Variants in RBFOX1 observed in about 807,000 individuals in gnomAD.
RBFOX1 encodes the protein RNA binding protein fox-1 homolog 1.
RBFOX1 carries 8 observed loss-of-function variants against 57.7 expected under a neutral mutation model. The ratio of observed to expected loss-of-function variants is 0.14; its 90% CI spans 0.08 to 0.25. RBFOX1 has a LOEUF of 0.25. RBFOX1 is among the 10% of genes least tolerant of loss of function. RBFOX1 has a pLI of 1.00. For missense variants in RBFOX1, 611 were observed against 548.5 expected, an observed-to-expected ratio of 1.11 and a Z score of -1.14; for synonymous variants, 326 against 222.4, an observed-to-expected ratio of 1.47 and a Z score of -4.15.
chr16:5,897,505 G>A (rs2058196897), intron 4 of RBFOX1, among the ~76,000 whole-genome samples: 1 of 152,078 alleles, frequency 6.6e-6, no homozygotes, highest in African/African-American at 2.4e-5. Flanking sequence ...TCGAAAATTG[G>A]CTTTGAATCT....
At chr16:6,315,740 A>C (rs965588083) in intron 1 of RBFOX1, among the ~76,000 whole-genome samples, 1 of 152,210 alleles carries the variant, frequency 6.6e-6, no homozygotes. Context: ...CACCATTTCA[A>C]CCACTGAATA....
At chr16:5,994,361 C>A (rs774555282) in intron 4 of RBFOX1, among the ~76,000 whole-genome samples, 1 of 152,156 alleles carries the variant, frequency 6.6e-6, no homozygotes, top group Non-Finnish European at 1.5e-5. Flanking sequence ...TGGGTTTCGC[C>A]ATATTGGCCA....
intron 1 of RBFOX1, among the ~76,000 whole-genome samples, chr16:6,253,099 C>T (rs1277099247): frequency 6.6e-6 from 1 of 152,110 alleles, no homozygotes; most frequent in Non-Finnish European, 1.5e-5. Context: ...ATATATGTAT[C>T]TCTATCTATC....
At chr16:6,124,606 A>C (rs1429451597) in intron 1 of RBFOX1, among the ~76,000 whole-genome samples, 1 of 152,024 alleles carries the variant, frequency 6.6e-6, no homozygotes, top group Non-Finnish European at 1.5e-5. Context: ...AGGTTCAAGC[A>C]ATCCTCCCAC....
chr16:7,417,372 C>CAGAA (rs1555881998), intron 4 of RBFOX1, among the ~76,000 whole-genome samples: 1 of 122,666 alleles, frequency 8.2e-6, no homozygotes, highest in Non-Finnish European at 1.6e-5. Context: ...GACTCTGTGT[C>CAGAA]AAAGAAAAAA....
At chr16:6,144,395 C>T (rs2096742108) in intron 1 of RBFOX1, among the ~76,000 whole-genome samples, 2 of 152,116 alleles carry the variant, frequency 1.3e-5, no homozygotes, top group African/African-American at 4.8e-5. Context: ...TCCTCAAGTA[C>T]CTTTTAATAG....
chr16:5,749,574 C>CT (rs2053116479), intron 3 of RBFOX1, among the ~76,000 whole-genome samples: 1 of 152,192 alleles, frequency 6.6e-6, no homozygotes, highest in Admixed American at 6.5e-5. Flanking sequence ...TCTTTTTACT[C>CT]TTTTTTCTCT....
intron 1 of RBFOX1, among the ~76,000 whole-genome samples, chr16:6,087,292 T>A (rs2152522484): frequency 6.6e-6 from 1 of 152,330 alleles, no homozygotes; most frequent in Non-Finnish European, 1.5e-5. Context: ...GTCCAGAGTT[T>A]TGTGCCTTCG....
Position 7,430,815 on chromosome 16 carries a change from C to G in RBFOX1, c.28-87332C>G, listed in dbSNP as rs922884130. 2.0e-5 allele frequency among the ~76,000 whole-genome samples: 3 copies of G among 152,292 alleles called. No individual in the cohort carries two copies. In the East Asian group the frequency reaches 5.8e-4, roughly 29 times the overall value. On this transcript the variant is annotated intron_variant, in intron 4 of 15. Transcript: ENST00000550418. Reference sequence around the variant, plus strand: ...GGATGGCCAAGTGCAAGTCACTTAACTTTTTATAATCTAAGCATCCTTATT... The same window carrying G: ...GGATGGCCAAGTGCAAGTCACTTAAGTTTTTATAATCTAAGCATCCTTATT...
intron 4 of RBFOX1, among the ~76,000 whole-genome samples, chr16:7,098,030 G>A (rs935262562): frequency 1.3e-5 from 2 of 152,170 alleles, no homozygotes; most frequent in Non-Finnish European, 2.9e-5. Context: ...GCTCAGTGAT[G>A]GAGTATTCAA....
intron 4 of RBFOX1, among the ~76,000 whole-genome samples, chr16:5,950,594 T>C (rs1032235172): frequency 2.6e-5 from 4 of 152,208 alleles, no homozygotes; most frequent in South Asian, 2.1e-4. Context: ...ATTCTTCTTT[T>C]TGATGCTCAA....
At chr16:6,473,729 A>T (rs1458998396) in intron 2 of RBFOX1, among the ~76,000 whole-genome samples, 2 of 152,160 alleles carry the variant, frequency 1.3e-5, no homozygotes, top group African/African-American at 4.8e-5. Flanking sequence ...GGAAAATTTT[A>T]TAGTAGATAA....
At chr16:7,573,368 C>T (rs1334730319) in intron 5 of RBFOX1, among the ~76,000 whole-genome samples, 4 of 152,158 alleles carry the variant, frequency 2.6e-5, no homozygotes, top group Non-Finnish European at 5.9e-5. Flanking sequence ...AGGTTGGAGA[C>T]CACTGAGAAG....
chr16:6,792,688 A>G lies in RBFOX1; in HGVS notation c.-16+138038A>G, dbSNP rs1603624526. Among the ~76,000 whole-genome samples the G allele has an allele frequency of 2.6e-5, 4 of 152,298 alleles. No homozygotes were observed. In the East Asian group the frequency reaches 7.7e-4, roughly 29 times the overall value. On this transcript the variant is annotated intron_variant, in intron 3 of 15. Coordinates refer to ENST00000550418, the MANE Select transcript of RBFOX1 (RefSeq NM_018723.4). ...CATTTCTGGTTTTCATGTCTGTTGTATCTGACATTCTAAAGAATTCAAAAT... is the reference window on the plus strand; with the variant it reads ...CATTTCTGGTTTTCATGTCTGTTGTGTCTGACATTCTAAAGAATTCAAAAT...
At chr16:5,495,754 T>C (rs1307174843) in intron 2 of RBFOX1, among the ~76,000 whole-genome samples, 1 of 152,228 alleles carries the variant, frequency 6.6e-6, no homozygotes, top group South Asian at 2.1e-4. Flanking sequence ...GGTATTAATA[T>C]GGGTGGCAGC....
chr16:5,856,334 A>ATT (rs1382474346), intron 3 of RBFOX1, among the ~76,000 whole-genome samples: 1 of 27,266 alleles, frequency 3.7e-5, no homozygotes, highest in Non-Finnish European at 9.1e-5. Flanking sequence ...AAACTGTTAT[A>ATT]TTATATATAT....
chr16:7,120,869 A>G (rs2151800601), intron 4 of RBFOX1, among the ~76,000 whole-genome samples: 1 of 150,802 alleles, frequency 6.6e-6, no homozygotes, highest in African/African-American at 2.4e-5. Flanking sequence ...ATACGTAAAC[A>G]TATATCATGG....
intron 3 of RBFOX1, among the ~76,000 whole-genome samples, chr16:6,848,783 C>A (rs775894702): frequency 6.6e-6 from 1 of 152,082 alleles, no homozygotes; most frequent in Non-Finnish European, 1.5e-5. Context: ...CAGCAGGCAG[C>A]ATTTAAAGAG....
intron 3 of RBFOX1, among the ~76,000 whole-genome samples, chr16:6,932,343 G>C (rs973431114): frequency 6.6e-6 from 1 of 152,086 alleles, no homozygotes; most frequent in Non-Finnish European, 1.5e-5. Context: ...CTGACCTCAG[G>C]TGATCCACCT....
Sources: allele counts gnomAD v4.1 joint callset (sites outside exome capture counted in the v4.1 genomes callset), GRCh38; gene constraint gnomAD v4.1.1; transcripts MANE v1.5; gene names NCBI Gene and HGNC (gene_info 2026-07-23, HGNC 2026-07-21).